FH: variants seen among roughly 807,000 people sequenced by gnomAD.
The protein encoded by FH is fumarate hydratase.
In FH, 22 loss-of-function variants were observed where a neutral mutation model predicts 49.4. That is an observed-to-expected ratio of 0.45 (90% CI 0.32 to 0.64). The LOEUF (loss-of-function observed/expected upper bound fraction) is 0.64, where lower values mean the gene tolerates loss of function less well. FH is among the 30% of genes least tolerant of loss of function. The pLI, the probability that FH is intolerant of heterozygous loss-of-function variation, is 0.05. For synonymous variants in FH, 208 were observed against 223.0 expected, an observed-to-expected ratio of 0.93 and a Z score of 0.60; for missense variants, 526 against 641.5, an observed-to-expected ratio of 0.82 and a Z score of 1.95.
intron 1 of FH, among the ~76,000 whole-genome samples, chr1:241,518,382 CAATA>C (rs1194423071): frequency 1.2e-4 from 18 of 152,114 alleles, no homozygotes; most frequent in Admixed American, 3.3e-4. Context: ...ACTAAATAAA[CAATA>C]AATAAATTTA....
chr1:241,503,927 G>A (rs565940535), intron 7 of FH, 115 bp downstream of exon 7: 23 of 1,078,540 alleles, frequency 2.1e-5, no homozygotes, highest in South Asian at 1.7e-4. Flanking sequence ...GGAACAGTGC[G>A]CCTTGCGCAT....
Position 241,519,562 on chromosome 1 carries a change from G to A in FH, c.132+29C>T, listed in dbSNP as rs200269586. 4.9e-5 allele frequency: 75 copies of A among 1,543,406 alleles called. No individual in the cohort carries two copies. The South Asian group carries it at 8.6e-4, about 18-fold the overall frequency. On this transcript the variant is annotated intron_variant, in intron 1 of 9. Coordinates refer to ENST00000366560, the MANE Select transcript of FH (RefSeq NM_000143.4). ...CAGGAGGGCTGAAGGTCACTGCGGG[G>A]AGGCCGGGGGATGGCGGCCTGCGCT...
At chr1:241,500,344 C>T (rs754803567) in intron 9 of FH, 93 bp downstream of exon 9, 3 of 1,216,428 alleles carry the variant, frequency 2.5e-6, no homozygotes, top group South Asian at 2.4e-5. Flanking sequence ...AAGAAATTTG[C>T]TGTTCTCAAA....
chr1:241,519,104 C>A (rs1660296374), intron 1 of FH: 1 of 157,466 alleles, frequency 6.4e-6, no homozygotes, highest in African/African-American at 2.4e-5. Context: ...CGAAACAAAC[C>A]ACAGTTCAGA....
chr1:241,502,720 G>A (rs1172973726), intron 7 of FH, 150 bp from the exon 8 acceptor site: 2 of 931,388 alleles, frequency 2.1e-6, no homozygotes, highest in South Asian at 1.5e-5. Context: ...ACCAACCAAG[G>A]AAGGTGGGAT....
chr1:241,509,430 G>T (rs569203124), intron 4 of FH, among the ~76,000 whole-genome samples: 2 of 152,224 alleles, frequency 1.3e-5, no homozygotes, highest in East Asian at 3.9e-4. Context: ...ACCTAGCCAG[G>T]TAGTATATAC....
In FH at chr1:241,519,688, C is replaced by G. The variant is rs367826177; in HGVS notation, c.35G>C (p.Arg12Pro). Residue 12 changes from arginine to proline, a missense_variant, in exon 1 of 10, where the codon CGT becomes CCT. By Grantham distance (103) the Arg-to-Pro change is moderately radical (BLOSUM62 -2). Coordinates refer to ENST00000366560, the MANE Select transcript of FH (RefSeq NM_000143.4). ...YRALRLLARS[R>P]PLVRAPAAAL... The stretch of plus-strand genomic sequence containing the variant: ...TGCGGCTGGAGCCCGCACGAGGGGA[C>G]GCGAGCGCGCGAGGAGCCGAAGTGC... The G allele has an allele frequency of 6.5e-7, 1 of 1,546,830 alleles. No individual in the cohort carries two copies. Among genetic ancestry groups the G allele is most frequent in the South Asian group, 1.2e-5 (1 of 83,764 alleles).
At chr1:241,503,962 A>T (rs1659846768) in intron 7 of FH, 80 bp downstream of exon 7, 1 of 1,406,236 alleles carries the variant, frequency 7.1e-7, no homozygotes, top group African/African-American at 1.4e-5. Flanking sequence ...ACTTTAAACA[A>T]AGAGAGACAT....
At chr1:241,505,227 A>G (rs2147917006) in intron 6 of FH, among the ~76,000 whole-genome samples, 1 of 152,092 alleles carries the variant, frequency 6.6e-6, no homozygotes, top group East Asian at 1.9e-4. Flanking sequence ...ACAATTTTTT[A>G]AAGTTTCTTT....
At position 241,517,038 on chromosome 1, in the gene FH, G is replaced by A. The variant is rs1558402139; in HGVS notation, c.267+144C>T. On this transcript the variant is annotated intron_variant, in intron 2 of 9. Coordinates refer to ENST00000366560, the MANE Select transcript of FH (RefSeq NM_000143.4). ...TCAAAAAGTTCTTTAACATTTTAGT[G>A]AAAGAGAACCTCTTATTACTCACGA... 3 of 933,100 alleles carry A rather than the reference G, an allele frequency of 3.2e-6. No homozygotes were observed. In the African/African-American group the frequency reaches 5.0e-5, roughly 16 times the overall value. The allele number at this position is 933,100 out of a possible 1,614,324, so 57.8% of individuals were successfully genotyped here.
chr1:241,506,537 G>A (rs1336186484), intron 5 of FH, among the ~76,000 whole-genome samples: 3 of 152,004 alleles, frequency 2.0e-5, no homozygotes, highest in Non-Finnish European at 2.9e-5. Context: ...TTATTTTTTG[G>A]GATGCCTCAG....
At chr1:241,518,656 A>G (rs894402842) in intron 1 of FH, among the ~76,000 whole-genome samples, 4 of 152,242 alleles carry the variant, frequency 2.6e-5, no homozygotes, top group African/African-American at 7.2e-5. Flanking sequence ...AACTTTGCAT[A>G]CGGATTTGAA....
rs748127963 is a variant in FH, at chr1:241,508,820, T to A, written c.556-35A>T. ...ATTTTTCAAAAGAAATATAAAATGT[T>A]AAATCAGAGGCAACAAAAACAAACT... On this transcript the variant is annotated intron_variant, in intron 4 of 9. Coordinates refer to ENST00000366560, the MANE Select transcript of FH (RefSeq NM_000143.4). 10 of 1,584,618 alleles carry A rather than the reference T, an allele frequency of 6.3e-6. No homozygotes were observed. The East Asian group carries it at 2.2e-4, about 35-fold the overall frequency.
chr1:241,510,485 C>T (rs971148246), intron 4 of FH, among the ~76,000 whole-genome samples: 1 of 152,028 alleles, frequency 6.6e-6, no homozygotes, highest in Non-Finnish European at 1.5e-5. Context: ...TACTGATATA[C>T]CCAAATAACT....
At position 241,517,251 on chromosome 1, in the gene FH, C is replaced by T. The variant is rs556439883; in HGVS notation, c.198G>A (p.Lys66=). Residue 66 remains lysine, a synonymous_variant, in exon 2 of 10, where the codon AAG becomes AAA. Transcript: ENST00000366560. ...ATCTCACGGTCTGGGCGCCATAATA[C>T]TTATCATTTGGCACCTTTAGTTCAC... ...TFGELKVPND[K]YYGAQTVRST... is the part of the protein sequence containing the mutation. 1 of 1,614,118 alleles carries T rather than the reference C, an allele frequency of 6.2e-7. No individual in the cohort carries two copies. Among genetic ancestry groups the T allele is most frequent in the African/African-American group, 1.3e-5 (1 of 75,038 alleles).
intron 1 of FH, 129 bp downstream of exon 1, chr1:241,519,462 T>TA: frequency 1.7e-6 from 2 of 1,171,328 alleles, no homozygotes; most frequent in Non-Finnish European, 2.3e-6. Context: ...GCACGGGCGC[T>TA]AAGCCCAGAG....
chr1:241,515,691 TCTAGGCTTACTAGC>T (rs1660194656), intron 2 of FH, among the ~76,000 whole-genome samples: 1 of 152,272 alleles, frequency 6.6e-6, no homozygotes, highest in African/African-American at 2.4e-5. Flanking sequence ...CCTATCTACT[TCTAGGCTTACTAGC>T]CTATCCTGCA....
intron 5 of FH, among the ~76,000 whole-genome samples, chr1:241,507,730 C>T (rs1333775331): frequency 4.6e-5 from 7 of 152,152 alleles, no homozygotes; most frequent in African/African-American, 1.7e-4. Flanking sequence ...AGAAATTATG[C>T]ATGGTCCTAA....
intron 7 of FH, among the ~76,000 whole-genome samples, chr1:241,503,494 T>C (rs1018766537): frequency 6.6e-6 from 1 of 152,208 alleles, no homozygotes; most frequent in Non-Finnish European, 1.5e-5. Context: ...CAGTCACCAG[T>C]AAAGTGTTGA....
Sources: allele counts gnomAD v4.1 joint callset (sites outside exome capture counted in the v4.1 genomes callset), GRCh38; gene constraint gnomAD v4.1.1; transcripts MANE v1.5; gene names NCBI Gene and HGNC (gene_info 2026-07-23, HGNC 2026-07-21).